BTBD9: variants seen among roughly 807,000 people sequenced by gnomAD.
BTBD9 encodes the protein BTB domain containing 9, also known as BTB/POZ domain-containing protein 9.
In BTBD9, 49 loss-of-function variants were observed where a neutral mutation model predicts 64.3. That is an observed-to-expected ratio of 0.76 (90% CI 0.61 to 0.97). The LOEUF is 0.97. Ranked by LOEUF, BTBD9 falls within the 50% of genes least tolerant of loss-of-function variation. BTBD9 has a pLI of 0.00. For synonymous variants in BTBD9, 260 were observed against 274.7 expected (o/e 0.95, Z 0.53); for missense variants, 598 against 762.1 (o/e 0.78, Z 2.53).
intron 9 of BTBD9, among the ~76,000 whole-genome samples, chr6:38,217,764 G>A (rs12209721): frequency 0.014 from 2,040 of 150,710 alleles, 24 homozygotes; most frequent in Non-Finnish European, 0.018. Flanking sequence ...TTCACTGGCC[G>A]CATGGCCTTG....
At chr6:38,334,704 T>C (rs1268581511) in intron 7 of BTBD9, among the ~76,000 whole-genome samples, 1 of 151,966 alleles carries the variant, frequency 6.6e-6, no homozygotes, top group African/African-American at 2.4e-5. Flanking sequence ...CGCATTTACA[T>C]TTACCTAGAC....
chr6:38,365,933 T>C (rs1033639146), intron 6 of BTBD9, among the ~76,000 whole-genome samples: 13 of 152,180 alleles, frequency 8.5e-5, no homozygotes, highest in Non-Finnish European at 1.5e-4. Context: ...CTGCTGGTTC[T>C]CAAAAACAAG....
chr6:38,385,323 G>T lies in BTBD9; in HGVS notation c.1155-40230C>A, dbSNP rs191817393. 2.5e-3 allele frequency among the ~76,000 whole-genome samples: 378 copies of T among 151,486 alleles called. 3 individuals are homozygous for T. The highest frequency in any genetic ancestry group is 8.2e-3 in the African/African-American group (340 of 41,246). Reference sequence around the variant, plus strand: ...TCCCACCTCAGCCTCCCAAGTAGCTGGGATTACAGGTGCCTGGCACCACAC... The same window carrying T: ...TCCCACCTCAGCCTCCCAAGTAGCTTGGATTACAGGTGCCTGGCACCACAC... On this transcript the variant is annotated intron_variant, in intron 6 of 10. Coordinates refer to ENST00000481247, the MANE Select transcript of BTBD9 (RefSeq NM_001099272.2).
chr6:38,444,326 A>C (rs1366839343), intron 6 of BTBD9, among the ~76,000 whole-genome samples: 1 of 152,158 alleles, frequency 6.6e-6, no homozygotes, highest in Non-Finnish European at 1.5e-5. Context: ...CTTGATAAGT[A>C]TTTTGTGAAT....
intron 8 of BTBD9, among the ~76,000 whole-genome samples, chr6:38,267,493 C>T (rs1451041985): frequency 6.6e-6 from 1 of 152,196 alleles, no homozygotes; most frequent in Non-Finnish European, 1.5e-5. Flanking sequence ...TGCATAACAC[C>T]ATCCAGTGGC....
At chr6:38,232,831 G>T (rs561133482) in intron 9 of BTBD9, among the ~76,000 whole-genome samples, 1 of 152,036 alleles carries the variant, frequency 6.6e-6, no homozygotes. Flanking sequence ...TCTGGATCAC[G>T]GATTAGTAAC....
chr6:38,492,729 T>C (rs1297128333), intron 6 of BTBD9, among the ~76,000 whole-genome samples: 4 of 152,202 alleles, frequency 2.6e-5, no homozygotes, highest in African/African-American at 9.6e-5. Context: ...ATATCAATTC[T>C]TTTCTTAAAG....
chr6:38,504,024 AC>A (rs1772335194), intron 6 of BTBD9, among the ~76,000 whole-genome samples: 1 of 151,954 alleles, frequency 6.6e-6, no homozygotes, highest in Admixed American at 6.6e-5. Context: ...CAGTCTCACA[AC>A]CCCTTTCTGC....
intron 6 of BTBD9, among the ~76,000 whole-genome samples, chr6:38,501,218 C>T (rs759131286): frequency 6.6e-6 from 1 of 152,102 alleles, no homozygotes; most frequent in Non-Finnish European, 1.5e-5. Context: ...TTGAGTATCC[C>T]TGATCCAAGC....
At chr6:38,262,827 CT>C (rs1431056611) in intron 8 of BTBD9, among the ~76,000 whole-genome samples, 1 of 152,134 alleles carries the variant, frequency 6.6e-6, no homozygotes, top group Non-Finnish European at 1.5e-5. Context: ...TTTTTTCATC[CT>C]TTTCTTAAGG....
chr6:38,413,955 G>A (rs1238661703), intron 6 of BTBD9, among the ~76,000 whole-genome samples: 1 of 152,080 alleles, frequency 6.6e-6, no homozygotes, highest in African/African-American at 2.4e-5. Context: ...TTTGTTATGT[G>A]TAAAGTGTTC....
At chr6:38,415,010 A>C (rs16890682) in intron 6 of BTBD9, among the ~76,000 whole-genome samples, 5,885 of 152,184 alleles carry the variant, frequency 0.039, 198 homozygotes, top group East Asian at 0.13. Flanking sequence ...TTAAACCCTA[A>C]ACATCTAAAA....
At chr6:38,337,440 C>T (rs1056566647) in intron 7 of BTBD9, among the ~76,000 whole-genome samples, 7 of 152,314 alleles carry the variant, frequency 4.6e-5, no homozygotes, top group African/African-American at 7.2e-5. Context: ...CTGAGGGAAA[C>T]GGTATTATTG....
rs1295366177 is a variant in BTBD9 at position 38,169,756 on chromosome 6, A to ACCCC, written c.*5225_*5228dup. ...AGCTCCTGGCTGCAGGGCCTCCTCC[A>ACCCC]CCCCCCCTCCCCCCCGCCCATTCAG... On this transcript the variant is annotated 3_prime_UTR_variant, in exon 11 of 11. Coordinates refer to ENST00000481247, the MANE Select transcript of BTBD9 (RefSeq NM_001099272.2). The ACCCC allele has an allele frequency of 1.5e-5, 2 of 133,376 alleles. No individual in the cohort carries two copies. The highest frequency in any genetic ancestry group is 2.3e-4 in the East Asian group (1 of 4,340). 8.3% of individuals were successfully genotyped at this position (133,376 alleles called of 1,614,324 possible). A position where few individuals can be genotyped will look rare whatever the true frequency, so the allele number is the denominator to read the frequency against.
chr6:38,557,424 T>C (rs543453877), intron 6 of BTBD9, among the ~76,000 whole-genome samples: 1 of 152,342 alleles, frequency 6.6e-6, no homozygotes. Flanking sequence ...GGTTATGTTC[T>C]AGCTGTGTGA....
At chr6:38,577,566 A>G in intron 6 of BTBD9, 34 bp downstream of exon 6, 1 of 1,576,336 alleles carries the variant, frequency 6.3e-7, no homozygotes, top group Non-Finnish European at 8.5e-7. Flanking sequence ...CTTATATAAG[A>G]ATAAAAATCA....
chr6:38,465,377 G>A (rs572250940), intron 6 of BTBD9, among the ~76,000 whole-genome samples: 2 of 151,238 alleles, frequency 1.3e-5, no homozygotes, highest in African/African-American at 2.4e-5. Flanking sequence ...CAGCACTTTG[G>A]GAGGCCGAGG....
chr6:38,287,906 T>C (rs1322094041), intron 8 of BTBD9, among the ~76,000 whole-genome samples: 1 of 152,248 alleles, frequency 6.6e-6, no homozygotes, highest in East Asian at 1.9e-4. Context: ...ATCTGTTTGG[T>C]TCATATGTAA....
chr6:38,403,416 T>C (rs9394495), intron 6 of BTBD9, among the ~76,000 whole-genome samples: 105,721 of 152,060 alleles, frequency 0.7, 38,234 homozygotes, highest in East Asian at 0.96. Context: ...TAAAAAGGCA[T>C]AAAGAATCTG....
Sources: allele counts gnomAD v4.1 joint callset (sites outside exome capture counted in the v4.1 genomes callset), GRCh38; gene constraint gnomAD v4.1.1; transcripts MANE v1.5; gene names NCBI Gene and HGNC (gene_info 2026-07-23, HGNC 2026-07-21).